LAPTM4A: variants seen among roughly 807,000 people sequenced by gnomAD.
LAPTM4A encodes the protein lysosomal-associated transmembrane protein 4A.
A neutral mutation model predicts 29.9 loss-of-function variants in LAPTM4A; 19 were observed. The ratio of observed to expected loss-of-function variants is 0.64; its 90% confidence interval spans 0.44 to 0.93. The LOEUF (loss-of-function observed/expected upper bound fraction) is 0.93. Among genes scored for constraint, LAPTM4A ranks in the 40% least tolerant of loss-of-function variants. LAPTM4A has a pLI of 0.00. For synonymous variants in LAPTM4A, 105 were observed against 102.1 expected, an observed-to-expected ratio of 1.03 and a Z score of -0.17; for missense variants, 293 against 288.5, an observed-to-expected ratio of 1.02 and a Z score of -0.11.
At chr2:20,047,899 AG>A in intron 1 of LAPTM4A, among the ~76,000 whole-genome samples, 1 of 152,302 alleles carries the variant, frequency 6.6e-6, no homozygotes, top group South Asian at 2.1e-4. Context: ...GCAACATTTC[AG>A]GGAGAAGGAA....
At chr2:20,040,583 T>C (rs1310596328) in intron 2 of LAPTM4A, among the ~76,000 whole-genome samples, 1 of 152,206 alleles carries the variant, frequency 6.6e-6, no homozygotes, top group Non-Finnish European at 1.5e-5. Flanking sequence ...AACACTGTAA[T>C]AGTGTATTTA....
chr2:20,035,438 T>A (rs1016317), intron 4 of LAPTM4A, among the ~76,000 whole-genome samples: 22,060 of 152,264 alleles, frequency 0.14, 2,359 homozygotes, highest in East Asian at 0.44. Flanking sequence ...CTGTGTAAGT[T>A]CTACAGATAA....
At chr2:20,047,736 T>C (rs914360693) in intron 1 of LAPTM4A, among the ~76,000 whole-genome samples, 1 of 148,406 alleles carries the variant, frequency 6.7e-6, no homozygotes, top group Non-Finnish European at 1.5e-5. Flanking sequence ...CGAAAACATG[T>C]GAGCTAACCA....
At chr2:20,033,315 C>T in intron 6 of LAPTM4A, 36 bp from the exon 7 acceptor site, 1 of 1,501,268 alleles carries the variant, frequency 6.7e-7, no homozygotes, top group Non-Finnish European at 9.3e-7. Flanking sequence ...AGATTTAATT[C>T]TCCTTTAAAA....
In LAPTM4A at chr2:20,051,547, C is replaced by T. The variant is rs1159798070; in HGVS notation, c.-27G>A. 3 of 1,458,710 alleles carry T rather than the reference C, an allele frequency of 2.1e-6. No homozygotes were observed. Among genetic ancestry groups the T allele is most frequent in the Middle Eastern group, 3.5e-4 (2 of 5,754 alleles). The allele number at this position is 1,458,710 out of a possible 1,614,324, so 90.4% of individuals were successfully genotyped here. A position where few individuals can be genotyped will look rare whatever the true frequency, so the allele number is the denominator to read the frequency against. ...GTAACAGGCGGGCCTCCTTCTTGGCCGGGCCCCTGACAAACGTTCTCCACC... is the reference window on the plus strand; with the variant it reads ...GTAACAGGCGGGCCTCCTTCTTGGCTGGGCCCCTGACAAACGTTCTCCACC... On this transcript the variant is annotated 5_prime_UTR_variant, in exon 1 of 7. Transcript: ENST00000175091.
chr2:20,046,748 T>TAA (rs1235276011), intron 1 of LAPTM4A, among the ~76,000 whole-genome samples: 1 of 132,670 alleles, frequency 7.5e-6, no homozygotes, highest in Non-Finnish European at 1.7e-5. Context: ...TAAATATATA[T>TAA]TATATAAATA....
intron 1 of LAPTM4A, among the ~76,000 whole-genome samples, chr2:20,050,583 T>C (rs367995274): frequency 2.1e-4 from 32 of 152,146 alleles, no homozygotes; most frequent in East Asian, 7.7e-4. Context: ...ATGGATACTA[T>C]AAATGGTGAA....
intron 6 of LAPTM4A, among the ~76,000 whole-genome samples, chr2:20,033,741 C>G (rs1211427499): frequency 6.6e-6 from 1 of 152,208 alleles, no homozygotes; most frequent in Non-Finnish European, 1.5e-5. Flanking sequence ...TCGAGGGTAA[C>G]AGGCACACCT....
At chr2:20,043,957 A>G (rs1429163579) in intron 1 of LAPTM4A, among the ~76,000 whole-genome samples, 2 of 152,338 alleles carry the variant, frequency 1.3e-5, no homozygotes, top group East Asian at 3.9e-4. Context: ...ATTCCCCAGT[A>G]ACTCCTATTT....
intron 1 of LAPTM4A, among the ~76,000 whole-genome samples, chr2:20,047,685 A>G (rs1572400958): frequency 2.0e-5 from 3 of 150,048 alleles, no homozygotes; most frequent in Admixed American, 1.3e-4. Context: ...CGACAGAGCG[A>G]GACTCCGTCT....
In LAPTM4A at chr2:20,037,415, T is replaced by C; in HGVS notation, c.333A>G (p.Pro111=). ...AISYQVGWLI[P]FFCYRLFDFV... is the part of the protein sequence containing the mutation. ...AGTCAAAAAGTCGGTAACAGAAGAA[T>C]GGAATCAGCCAACCCACTTGATACT... is the stretch of plus-strand genomic sequence containing the variant. The change falls in exon 4 of 7, where the codon CCA becomes CCG. Residue 111 remains proline, a synonymous_variant. Coordinates refer to ENST00000175091, the MANE Select transcript of LAPTM4A (RefSeq NM_014713.5). 5 of 1,612,366 alleles carry C rather than the reference T, an allele frequency of 3.1e-6. No individual in the cohort carries two copies. The highest frequency in any genetic ancestry group is 1.3e-5 in the African/African-American group (1 of 74,884).
intron 6 of LAPTM4A, among the ~76,000 whole-genome samples, chr2:20,033,734 AG>A (rs1283203236): frequency 2.0e-5 from 3 of 152,214 alleles, no homozygotes. Context: ...CATGTCTTCG[AG>A]GGTAACAGGC....
intron 1 of LAPTM4A, among the ~76,000 whole-genome samples, chr2:20,044,907 C>T (rs1478424004): frequency 6.6e-6 from 1 of 152,180 alleles, no homozygotes; most frequent in African/African-American, 2.4e-5. Context: ...ATCCTTGTGA[C>T]TTAAAAAAAT....
rs1359105386 is a variant in LAPTM4A at position 20,033,160 on chromosome 2, A to G, written c.*45T>C. 1 of 1,486,884 alleles carries G rather than the reference A, an allele frequency of 6.7e-7. No individual in the cohort carries two copies. The highest frequency in any genetic ancestry group is 9.4e-7 in the Non-Finnish European group (1 of 1,064,062). The allele number at this position is 1,486,884 out of a possible 1,614,324, so 92.1% of individuals were successfully genotyped here. A position where few individuals can be genotyped will look rare whatever the true frequency, so the allele number is the denominator to read the frequency against. On this transcript the variant is annotated 3_prime_UTR_variant, in exon 7 of 7. Coordinates refer to ENST00000175091, the MANE Select transcript of LAPTM4A (RefSeq NM_014713.5). ...AATTGCAGCATTCTGTAACATAAAC[A>G]AACAAAAAGCTGGTATAGGATTTAT...
At chr2:20,048,149 ATGTAGTCT>A (rs1375712971) in intron 1 of LAPTM4A, among the ~76,000 whole-genome samples, 3 of 152,212 alleles carry the variant, frequency 2.0e-5, no homozygotes, top group African/African-American at 7.2e-5. Context: ...AATGCTCAAA[ATGTAGTCT>A]TGTAGTGCAC....
intron 6 of LAPTM4A, among the ~76,000 whole-genome samples, chr2:20,033,771 T>C (rs1332859506): frequency 6.6e-6 from 1 of 152,188 alleles, no homozygotes; most frequent in East Asian, 1.9e-4. Context: ...AGGAGTGACA[T>C]TCTAATCGAA....
chr2:20,051,187 T>C (rs950834457), intron 1 of LAPTM4A, among the ~76,000 whole-genome samples: 1 of 151,924 alleles, frequency 6.6e-6, no homozygotes, highest in Non-Finnish European at 1.5e-5. Flanking sequence ...CAAAGAACAA[T>C]CTCCCCATGC....
At chr2:20,050,635 C>G (rs899554532) in intron 1 of LAPTM4A, among the ~76,000 whole-genome samples, 3 of 152,138 alleles carry the variant, frequency 2.0e-5, no homozygotes, top group Non-Finnish European at 4.4e-5. Context: ...AGTGAATCAC[C>G]AGGCAACAAC....
At chr2:20,048,946 C>G (rs1673997062) in intron 1 of LAPTM4A, among the ~76,000 whole-genome samples, 1 of 152,180 alleles carries the variant, frequency 6.6e-6, no homozygotes, top group African/African-American at 2.4e-5. Context: ...TGTCTTTACA[C>G]TGCTATGGTA....
Sources: gnomAD v4.1 joint callset for allele counts (sites outside exome capture counted in the v4.1 genomes callset) on GRCh38, gnomAD v4.1.1 for gene constraint, MANE v1.5 for transcripts, NCBI Gene and HGNC (gene_info 2026-07-23, HGNC 2026-07-21) for gene names.